Variants in PPM1E observed in about 807,000 individuals in gnomAD.
PPM1E encodes the protein protein phosphatase 1E.
Under a neutral mutation model 65.9 loss-of-function variants are expected in PPM1E, and 20 were observed. The observed-to-expected ratio is 0.30, with a 90% CI of 0.21 to 0.44. PPM1E has a LOEUF of 0.44. Among genes scored for constraint, PPM1E ranks in the 20% least tolerant of loss-of-function variants. The pLI is 1.00. For missense variants in PPM1E, 713 were observed against 953.1 expected (o/e 0.75, Z 3.32); for synonymous variants, 352 against 374.9 (o/e 0.94, Z 0.70).
intron 1 of PPM1E, among the ~76,000 whole-genome samples, chr17:58,779,175 ATT>A (rs57635808): frequency 9.1e-5 from 12 of 131,700 alleles, no homozygotes; most frequent in Admixed American, 1.6e-4. Flanking sequence ...ATGAATTCTG[ATT>A]TTTTTTTTTT....
chr17:58,821,828 TG>T (rs1332241805), intron 1 of PPM1E, among the ~76,000 whole-genome samples: 1 of 152,172 alleles, frequency 6.6e-6, no homozygotes, highest in Non-Finnish European at 1.5e-5. Context: ...GGGAGTGGGC[TG>T]AAAGTATGAA....
At chr17:58,971,537 A>C (rs1170250977) in intron 4 of PPM1E, among the ~76,000 whole-genome samples, 1 of 152,170 alleles carries the variant, frequency 6.6e-6, no homozygotes, top group Non-Finnish European at 1.5e-5. Flanking sequence ...AAGACCCCTA[A>C]AAATACTGTA....
intron 1 of PPM1E, among the ~76,000 whole-genome samples, chr17:58,850,079 A>G (rs949161089): frequency 1.3e-5 from 2 of 151,554 alleles, no homozygotes; most frequent in Non-Finnish European, 2.9e-5. Flanking sequence ...AAAGTCTGTT[A>G]TATCAGAGAC....
chr17:58,773,464 T>C (rs1417327937), intron 1 of PPM1E, among the ~76,000 whole-genome samples: 1 of 152,176 alleles, frequency 6.6e-6, no homozygotes, highest in African/African-American at 2.4e-5. Flanking sequence ...TGTATCTTAC[T>C]AGAAGAATTT....
At chr17:58,927,095 G>C (rs1352982860) in intron 1 of PPM1E, among the ~76,000 whole-genome samples, 1 of 147,884 alleles carries the variant, frequency 6.8e-6, no homozygotes, top group Non-Finnish European at 1.5e-5. Context: ...TTATACTTTA[G>C]AGATATATTA....
At chr17:58,786,790 A>T (rs909099038) in intron 1 of PPM1E, among the ~76,000 whole-genome samples, 1 of 152,206 alleles carries the variant, frequency 6.6e-6, no homozygotes, top group African/African-American at 2.4e-5. Context: ...CCTAATGTTC[A>T]TCTGCAGTTT....
chr17:58,874,377 A>G (rs1371071513), intron 1 of PPM1E, among the ~76,000 whole-genome samples: 7 of 152,196 alleles, frequency 4.6e-5, no homozygotes, highest in Admixed American at 3.9e-4. Flanking sequence ...GTCCATTTAT[A>G]TATCTTCTAA....
At chr17:58,968,193 T>C (rs192262732) in intron 3 of PPM1E, among the ~76,000 whole-genome samples, 35 of 152,358 alleles carry the variant, frequency 2.3e-4, no homozygotes, top group Admixed American at 2.0e-3. Flanking sequence ...GACAAAGGTT[T>C]CATAACATTT....
In PPM1E at chr17:58,983,157, G is replaced by T; in HGVS notation, c.*2126G>T. On this transcript the variant is annotated 3_prime_UTR_variant, in exon 7 of 7. Coordinates refer to ENST00000308249, the MANE Select transcript of PPM1E (RefSeq NM_014906.5). ...ACACAGACCCATCTTTAGGGGTCTG[G>T]ATTTTGTAGGTCCGACTACACAGCA... 2.2e-6 allele frequency: 1 copy of T among 447,366 alleles called. No homozygotes were observed. The highest frequency in any genetic ancestry group is 3.5e-5 in the East Asian group (1 of 28,886). 27.7% of individuals were successfully genotyped at this position (447,366 alleles called of 1,614,324 possible).
chr17:58,838,289 A>C (rs1246633460), intron 1 of PPM1E, among the ~76,000 whole-genome samples: 4 of 152,242 alleles, frequency 2.6e-5, no homozygotes, highest in African/African-American at 9.6e-5. Context: ...TATCTGATAA[A>C]GGACTTGTAC....
intron 1 of PPM1E, among the ~76,000 whole-genome samples, chr17:58,757,918 A>G (rs1290339368): frequency 2.6e-5 from 4 of 152,228 alleles, no homozygotes; most frequent in African/African-American, 9.6e-5. Flanking sequence ...TTAACATTTT[A>G]GAGTATATCT....
intron 1 of PPM1E, among the ~76,000 whole-genome samples, chr17:58,827,336 G>T (rs929655132): frequency 1.3e-5 from 2 of 151,390 alleles, no homozygotes; most frequent in African/African-American, 4.8e-5. Context: ...ACAGGGTTTC[G>T]CCATGTTGGC....
chr17:58,862,877 C>T (rs1402878573), intron 1 of PPM1E, among the ~76,000 whole-genome samples: 1 of 152,112 alleles, frequency 6.6e-6, no homozygotes, highest in Non-Finnish European at 1.5e-5. Context: ...TATGTTTTCC[C>T]TTTTGTTTCC....
intron 1 of PPM1E, among the ~76,000 whole-genome samples, chr17:58,885,890 G>A (rs144080944): frequency 1.3e-5 from 2 of 152,298 alleles, no homozygotes; most frequent in African/African-American, 4.8e-5. Context: ...GTAGGGAGGA[G>A]AATCAACTGT....
At chr17:58,924,752 G>A (rs1248156694) in intron 1 of PPM1E, among the ~76,000 whole-genome samples, 4 of 52,858 alleles carry the variant, frequency 7.6e-5, no homozygotes, top group East Asian at 1.1e-3. Flanking sequence ...AACTGGCCCC[G>A]GTGTGTGCTA....
intron 1 of PPM1E, among the ~76,000 whole-genome samples, chr17:58,856,325 C>T (rs537219849): frequency 6.6e-6 from 1 of 152,238 alleles, no homozygotes; most frequent in South Asian, 2.1e-4. Flanking sequence ...CTGCAGCCCC[C>T]ACCTCCCGGA....
intron 1 of PPM1E, among the ~76,000 whole-genome samples, chr17:58,875,738 G>T (rs538786757): frequency 6.6e-6 from 1 of 152,218 alleles, no homozygotes; most frequent in South Asian, 2.1e-4. Flanking sequence ...GTAACTATTT[G>T]AAAGGTACTG....
At chr17:58,918,371 A>G (rs77098252) in intron 1 of PPM1E, among the ~76,000 whole-genome samples, 5,139 of 152,286 alleles carry the variant, frequency 0.034, 135 homozygotes, top group Non-Finnish European at 0.052. Context: ...TACTTAGATT[A>G]CTAGAATTTG....
chr17:58,784,092 G>A (rs1370649236), intron 1 of PPM1E, among the ~76,000 whole-genome samples: 1 of 151,206 alleles, frequency 6.6e-6, no homozygotes, highest in African/African-American at 2.4e-5. Context: ...GCTCAGTCTC[G>A]GCTCACTGCA....
Sources: allele counts gnomAD v4.1 joint callset (sites outside exome capture counted in the v4.1 genomes callset), GRCh38; gene constraint gnomAD v4.1.1; transcripts MANE v1.5; gene names NCBI Gene and HGNC (gene_info 2026-07-23, HGNC 2026-07-21).